Variants in CDCP1 observed in about 807,000 individuals in gnomAD.
CDCP1 encodes CUB domain containing protein 1.
Under a neutral mutation model 60.2 loss-of-function variants are expected in CDCP1, and 29 were observed. The observed-to-expected ratio is 0.48, with a 90% confidence interval of 0.36 to 0.66. The LOEUF (loss-of-function observed/expected upper bound fraction) is 0.66. CDCP1 is among the 30% of genes least tolerant of loss of function. The probability of loss-of-function intolerance (pLI) is 0.00; values close to 1 mark genes in which losing one functional copy is unlikely to be tolerated. For missense variants in CDCP1, 876 were observed against 1,074.3 expected, an observed-to-expected ratio of 0.82 and a Z score of 2.58; for synonymous variants, 387 against 431.1, an observed-to-expected ratio of 0.90 and a Z score of 1.27.
At chr3:45,130,986 C>A (rs1699082477) in intron 1 of CDCP1, among the ~76,000 whole-genome samples, 1 of 152,132 alleles carries the variant, frequency 6.6e-6, no homozygotes, top group African/African-American at 2.4e-5. Context: ...CCCACCTCAG[C>A]CTCCTGAGTA....
rs528466386 is a variant in CDCP1 at position 45,095,826 on chromosome 3, GA to G, written c.1025-259del. ...TGGCATAAACACAAATTATAAAAGT[GA>G]AAAAAAGATTAAAATATCTGTCTGA... On this transcript the variant is annotated intron_variant, in intron 4 of 8. Transcript: ENST00000296129. 5.7e-3 allele frequency among the ~76,000 whole-genome samples: 868 copies of G among 152,084 alleles called. 5 individuals are homozygous for G. The highest frequency in any genetic ancestry group is 0.019 in the African/African-American group (769 of 41,498).
At chr3:45,096,214 C>A (rs1393559919) in intron 4 of CDCP1, among the ~76,000 whole-genome samples, 2 of 152,152 alleles carry the variant, frequency 1.3e-5, no homozygotes, top group African/African-American at 4.8e-5. Flanking sequence ...TGTGACATGG[C>A]CATGAGTGCC....
intron 1 of CDCP1, among the ~76,000 whole-genome samples, chr3:45,125,086 T>C (rs1296786032): frequency 6.6e-6 from 1 of 152,068 alleles, no homozygotes; most frequent in Non-Finnish European, 1.5e-5. Context: ...TTAAGATGGG[T>C]CTAAAAGAAT....
chr3:45,110,100 G>T, intron 4 of CDCP1: 1 of 634,174 alleles, frequency 1.6e-6, no homozygotes, highest in South Asian at 3.8e-5. Context: ...TCCATAGTAG[G>T]GGTGCTGAGC....
intron 1 of CDCP1, among the ~76,000 whole-genome samples, chr3:45,137,236 T>C (rs1278115816): frequency 6.6e-6 from 1 of 152,032 alleles, no homozygotes; most frequent in Non-Finnish European, 1.5e-5. Context: ...AAAGGTTGCA[T>C]GCCATATGTA....
chr3:45,104,135 T>G (rs1252491003), intron 4 of CDCP1, among the ~76,000 whole-genome samples: 1 of 152,250 alleles, frequency 6.6e-6, no homozygotes, highest in African/African-American at 2.4e-5. Flanking sequence ...TATATTTCTT[T>G]TGAAAATTAC....
chr3:45,093,281 G>A lies in CDCP1; in HGVS notation c.1623C>T (p.Phe541=). 6.2e-7 allele frequency: 1 copy of A among 1,612,818 alleles called. No homozygotes were observed. Residue 541 remains phenylalanine (F), a synonymous_variant, in exon 6 of 9, where the codon TTC becomes TTT. Transcript: ENST00000296129. ...GATAGGGGAGACCCCCCTTACCTTT[G>A]AAATAAGGTATAAAGGACACCGTCA... ...QGLTVSFIPY[F]KEEGVFTVTP...
At position 45,085,881 on chromosome 3, in the gene CDCP1, C is replaced by G; in HGVS notation, c.2268G>C (p.Gln756His). ...ACGGCCGGTAGGTGTCCACCTCTGG[C>G]TGCAGGAAGGAGCCGCTGGAATCCT... Reference protein sequence around the residue: ...LLQDSSGSFLQPEVDTYRPFQ... With the variant: ...LLQDSSGSFLHPEVDTYRPFQ... Residue 756 changes from glutamine (Q) to histidine (H), a missense_variant, in exon 9 of 9, where the codon CAG (glutamine) becomes CAC (histidine). Coordinates refer to ENST00000296129, the MANE Select transcript of CDCP1 (RefSeq NM_022842.5). This position sits in a 1 kb window ranked among gnomAD's most constrained non-coding sequence, Gnocchi z 4.2. 6.2e-7 allele frequency: 1 copy of G among 1,614,174 alleles called. No individual in the cohort carries two copies. The highest frequency in any genetic ancestry group is 2.2e-5 in the East Asian group (1 of 44,872).
At chr3:45,109,751 A>G (rs1161564786) in intron 4 of CDCP1, among the ~76,000 whole-genome samples, 1 of 151,900 alleles carries the variant, frequency 6.6e-6, no homozygotes, top group Non-Finnish European at 1.5e-5. Context: ...ACCTCCTTAT[A>G]TATTGCACCC....
chr3:45,092,272 A>C (rs1698307940), intron 6 of CDCP1, among the ~76,000 whole-genome samples: 1 of 152,236 alleles, frequency 6.6e-6, no homozygotes, highest in South Asian at 2.1e-4. Flanking sequence ...CCCTTCAGAA[A>C]TGCTCTCAAC....
intron 5 of CDCP1, among the ~76,000 whole-genome samples, chr3:45,094,531 G>T (rs892958953): frequency 6.6e-6 from 1 of 152,166 alleles, no homozygotes; most frequent in Non-Finnish European, 1.5e-5. Flanking sequence ...AAAGTGCTGG[G>T]ATTACAGGCA....
At chr3:45,093,752 C>A in intron 5 of CDCP1, 95 bp from the exon 6 acceptor site, 1 of 1,409,354 alleles carries the variant, frequency 7.1e-7, no homozygotes. Flanking sequence ...TGTCTGCATG[C>A]TGCCCTGTGT....
chr3:45,127,619 T>A (rs114414264), intron 1 of CDCP1, among the ~76,000 whole-genome samples: 1 of 152,192 alleles, frequency 6.6e-6, no homozygotes, highest in African/African-American at 2.4e-5. Flanking sequence ...AAATGCTTCT[T>A]CCTAAAAGAG....
At chr3:45,114,835 G>A (rs956664164) in intron 2 of CDCP1, among the ~76,000 whole-genome samples, 2 of 152,188 alleles carry the variant, frequency 1.3e-5, no homozygotes, top group African/African-American at 4.8e-5. Context: ...TGGACCACTG[G>A]ACCTGATTCA....
At chr3:45,126,268 T>TC (rs60708966) in intron 1 of CDCP1, among the ~76,000 whole-genome samples, 2 of 150,940 alleles carry the variant, frequency 1.3e-5, no homozygotes, top group African/African-American at 4.9e-5. Context: ...TCTCTCTCTC[T>TC]GTTTCTTTTT....
intron 1 of CDCP1, among the ~76,000 whole-genome samples, chr3:45,119,480 C>T (rs1449436345): frequency 1.3e-5 from 2 of 152,168 alleles, no homozygotes; most frequent in African/African-American, 2.4e-5. Flanking sequence ...GGCCTGGGAA[C>T]AGCAGATGAT....
chr3:45,125,111 CA>C (rs1698955989), intron 1 of CDCP1, among the ~76,000 whole-genome samples: 1 of 152,142 alleles, frequency 6.6e-6, no homozygotes, highest in Admixed American at 6.5e-5. Flanking sequence ...ATGAGTGTGC[CA>C]ACCAGGAACT....
chr3:45,135,773 C>G (rs1397523494), intron 1 of CDCP1, among the ~76,000 whole-genome samples: 1 of 152,180 alleles, frequency 6.6e-6, no homozygotes, highest in African/African-American at 2.4e-5. Context: ...TTTCTCTTGT[C>G]TTGCCTGTAG....
chr3:45,125,669 T>C (rs373993969), intron 1 of CDCP1, among the ~76,000 whole-genome samples: 2 of 152,362 alleles, frequency 1.3e-5, no homozygotes, highest in South Asian at 4.1e-4. Context: ...AGTTTGGCTC[T>C]GAGTCTAAAG....
Sources: gnomAD v4.1 joint callset for allele counts (sites outside exome capture counted in the v4.1 genomes callset) on GRCh38, gnomAD v4.1.1 for gene constraint, Gnocchi (gnomAD v3.1) non-coding constraint, MANE v1.5 for transcripts, NCBI Gene and HGNC (gene_info 2026-07-23, HGNC 2026-07-21) for gene names.